The following TNRC6A variants were observed in gnomAD, a reference collection of about 807,000 sequenced individuals.
TNRC6A encodes the protein trinucleotide repeat containing adaptor 6A.
In TNRC6A, 44 loss-of-function variants were observed where a neutral mutation model predicts 221.2. The observed-to-expected ratio is 0.20, with a 90% CI of 0.16 to 0.26. TNRC6A has a LOEUF of 0.26. TNRC6A is among the 10% of genes least tolerant of loss of function. The pLI, the probability that TNRC6A is intolerant of heterozygous loss-of-function variation, is 1.00. For missense variants in TNRC6A, 2,199 were observed against 2,404.4 expected, an observed-to-expected ratio of 0.91 and a Z score of 1.79; for synonymous variants, 847 against 838.5, an observed-to-expected ratio of 1.01 and a Z score of -0.18.
At chr16:24,821,840 TG>T (rs1244905948) in intron 22 of TNRC6A, 6 of 550,516 alleles carry the variant, frequency 1.1e-5, no homozygotes, top group African/African-American at 1.9e-5. Context: ...TGCCCTCCTC[TG>T]TGGTGAACTG....
At chr16:24,770,930 C>T (rs1200442478) in intron 4 of TNRC6A, among the ~76,000 whole-genome samples, 1 of 152,202 alleles carries the variant, frequency 6.6e-6, no homozygotes, top group African/African-American at 2.4e-5. Flanking sequence ...TTCATAATAA[C>T]AGGAAGACTT....
chr16:24,658,486 C>T (rs1212197498), intron 2 of TNRC6A, among the ~76,000 whole-genome samples: 2 of 152,144 alleles, frequency 1.3e-5, no homozygotes, highest in African/African-American at 2.4e-5. Context: ...CTCTACCTCC[C>T]AAGTAGCTGG....
chr16:24,762,072 G>A (rs372575647), intron 4 of TNRC6A, among the ~76,000 whole-genome samples: 37 of 152,276 alleles, frequency 2.4e-4, no homozygotes, highest in East Asian at 1.2e-3. Context: ...TGGGAAGCCC[G>A]GGGAGATCCT....
At chr16:24,697,011 C>T (rs913545784) in intron 2 of TNRC6A, among the ~76,000 whole-genome samples, 1 of 152,068 alleles carries the variant, frequency 6.6e-6, no homozygotes. Context: ...TGTTGTTCCG[C>T]AGCACTAGTT....
At chr16:24,630,988 G>A (rs1029991594) in intron 1 of TNRC6A, among the ~76,000 whole-genome samples, 13 of 151,600 alleles carry the variant, frequency 8.6e-5, no homozygotes, top group African/African-American at 2.9e-4. Context: ...AGCCTGGAGG[G>A]TCCATGCTTG....
chr16:24,759,392 CGTT>C (rs1232039369), intron 4 of TNRC6A, among the ~76,000 whole-genome samples: 1 of 152,024 alleles, frequency 6.6e-6, no homozygotes, highest in African/African-American at 2.4e-5. Context: ...CTTTGTTTTA[CGTT>C]GTTTTCCATT....
intron 2 of TNRC6A, among the ~76,000 whole-genome samples, chr16:24,731,742 T>C: frequency 6.6e-6 from 1 of 152,230 alleles, no homozygotes; most frequent in Non-Finnish European, 1.5e-5. Flanking sequence ...AAATTGTCTG[T>C]GCCACAGGTA....
intron 1 of TNRC6A, among the ~76,000 whole-genome samples, chr16:24,614,008 C>T (rs1334022443): frequency 6.6e-6 from 1 of 152,204 alleles, no homozygotes; most frequent in African/African-American, 2.4e-5. Context: ...CAGCTGGGAT[C>T]ATCTGGGCAC....
chr16:24,618,876 C>G (rs935955449), intron 1 of TNRC6A, among the ~76,000 whole-genome samples: 1 of 152,044 alleles, frequency 6.6e-6, no homozygotes, highest in Non-Finnish European at 1.5e-5. Context: ...GTGATCCACC[C>G]ACCTCGGCCT....
upstream of TNRC6A, chr16:24,729,631 G>A (rs1332017270): frequency 4.3e-6 from 2 of 465,794 alleles, no homozygotes; most frequent in Non-Finnish European, 3.5e-6. Flanking sequence ...CCCCGGAAGG[G>A]GTTGCCGAGT....
chr16:24,748,361 C>CT lies in TNRC6A; in HGVS notation c.54-2362dup, dbSNP rs1458208622. ...ACTCTGCTGCTCTCATATGCTGTGG[C>CT]TTTCTTGCTCCTTGACTTCCCTGGG... On this transcript the variant is annotated intron_variant, in intron 2 of 24. Transcript: ENST00000395799. Among the ~76,000 whole-genome samples, 3 of 152,270 alleles carry CT rather than the reference C, an allele frequency of 2.0e-5. No homozygotes were observed. In the East Asian group the frequency reaches 5.8e-4, roughly 29 times the overall value.
At chr16:24,657,598 A>G (rs768846175) in intron 2 of TNRC6A, among the ~76,000 whole-genome samples, 41 of 151,544 alleles carry the variant, frequency 2.7e-4, no homozygotes, top group South Asian at 1.7e-3. Context: ...AATCCCAGCT[A>G]TTTGGAAGGC....
At chr16:24,707,143 A>G (rs962689764) in intron 2 of TNRC6A, among the ~76,000 whole-genome samples, 3 of 151,916 alleles carry the variant, frequency 2.0e-5, no homozygotes, top group African/African-American at 7.3e-5. Flanking sequence ...CCACAGGTGC[A>G]TGCCACCACA....
At chr16:24,736,136 G>T (rs1266769346) in intron 2 of TNRC6A, among the ~76,000 whole-genome samples, 1 of 152,200 alleles carries the variant, frequency 6.6e-6, no homozygotes, top group Non-Finnish European at 1.5e-5. Flanking sequence ...TTGCACTCCA[G>T]CCTAGCCTGG....
intron 11 of TNRC6A, among the ~76,000 whole-genome samples, chr16:24,802,542 CTG>C: frequency 6.6e-6 from 1 of 152,072 alleles, no homozygotes; most frequent in Non-Finnish European, 1.5e-5. Context: ...GAGCCAGACA[CTG>C]TCTCAAAAAA....
intron 1 of TNRC6A, among the ~76,000 whole-genome samples, chr16:24,611,107 C>T (rs1209770544): frequency 6.6e-6 from 1 of 152,120 alleles, no homozygotes; most frequent in African/African-American, 2.4e-5. Flanking sequence ...ACCCCTGAGT[C>T]CAGCTGGATT....
chr16:24,782,351 G>A (rs1180065192), intron 5 of TNRC6A, among the ~76,000 whole-genome samples: 3 of 152,122 alleles, frequency 2.0e-5, no homozygotes, highest in African/African-American at 7.2e-5. Context: ...TTTTTATTCT[G>A]GAACAGAGAT....
intron 2 of TNRC6A, among the ~76,000 whole-genome samples, chr16:24,671,872 CACTT>C (rs775461978): frequency 4.6e-5 from 7 of 151,896 alleles, no homozygotes; most frequent in Non-Finnish European, 7.4e-5. Flanking sequence ...AAATCAGTGT[CACTT>C]ACAAAAGGGT....
intron 3 of TNRC6A, 118 bp downstream of exon 3, chr16:24,750,931 C>T (rs138443586): frequency 7.2e-6 from 7 of 974,428 alleles, no homozygotes; most frequent in Non-Finnish European, 9.8e-6. Context: ...AATGGAGATT[C>T]ATTTTAATAT....
Sources: gnomAD v4.1 joint callset for allele counts (sites outside exome capture counted in the v4.1 genomes callset) on GRCh38, gnomAD v4.1.1 for gene constraint, MANE v1.5 for transcripts, NCBI Gene and HGNC (gene_info 2026-07-23, HGNC 2026-07-21) for gene names.